NREP: variants seen among roughly 807,000 people sequenced by gnomAD.
NREP encodes the protein neuronal regeneration related protein.
A neutral mutation model predicts 8.6 loss-of-function variants in NREP; 5 were observed. That is an observed-to-expected ratio of 0.58 (90% CI 0.30 to 1.22). The LOEUF is 1.22. Ranked by LOEUF, NREP falls within the 50% of genes most tolerant of loss-of-function variation. The pLI is 0.07. For missense variants in NREP, 86 were observed against 82.5 expected (o/e 1.04, Z -0.17); for synonymous variants, 27 against 28.0 (o/e 0.96, Z 0.11).
At chr5:111,871,562 G>A (rs1753791487) in intron 2 of NREP, among the ~76,000 whole-genome samples, 2 of 151,852 alleles carry the variant, frequency 1.3e-5, no homozygotes, top group African/African-American at 2.4e-5. Flanking sequence ...AACTTACTTT[G>A]TAAACCTAAT....
intron 2 of NREP, among the ~76,000 whole-genome samples, chr5:111,966,325 G>T (rs1056219466): frequency 6.6e-6 from 1 of 152,088 alleles, no homozygotes; most frequent in Non-Finnish European, 1.5e-5. Context: ...AAATTAAAAG[G>T]TATAAAAGAT....
chr5:111,975,966 A>G (rs1423131317), intron 1 of NREP, among the ~76,000 whole-genome samples: 1 of 152,128 alleles, frequency 6.6e-6, no homozygotes, highest in Admixed American at 6.5e-5. Flanking sequence ...ATTGAACTAA[A>G]CCAGCATATC....
intron 3 of NREP, among the ~76,000 whole-genome samples, chr5:111,731,313 T>C (rs1248253518): frequency 1.3e-5 from 2 of 151,890 alleles, no homozygotes; most frequent in Non-Finnish European, 2.9e-5. Context: ...GTGCCAGCCA[T>C]GTGTGAGGCA....
chr5:111,963,991 T>C (rs1189130604), intron 2 of NREP, among the ~76,000 whole-genome samples: 1 of 152,210 alleles, frequency 6.6e-6, no homozygotes, highest in Non-Finnish European at 1.5e-5. Context: ...TTAATAATAA[T>C]AATGCAAGCA....
intron 2 of NREP, among the ~76,000 whole-genome samples, chr5:111,744,279 T>A (rs1259259121): frequency 6.6e-6 from 1 of 152,148 alleles, no homozygotes; most frequent in Non-Finnish European, 1.5e-5. Flanking sequence ...TCCTGGTCAT[T>A]TAAAAACTGG....
intron 2 of NREP, among the ~76,000 whole-genome samples, chr5:111,898,026 A>G (rs1365192655): frequency 3.3e-5 from 5 of 152,176 alleles, no homozygotes; most frequent in Non-Finnish European, 5.9e-5. Flanking sequence ...TAACCTTGGG[A>G]GAGAATGATA....
intron 2 of NREP, among the ~76,000 whole-genome samples, chr5:111,915,371 C>T: frequency 6.6e-6 from 1 of 152,006 alleles, no homozygotes; most frequent in Non-Finnish European, 1.5e-5. Flanking sequence ...CACATGAATC[C>T]TCATTGCAGA....
intron 2 of NREP, among the ~76,000 whole-genome samples, chr5:111,834,118 A>C (rs1379908471): frequency 6.6e-6 from 1 of 152,172 alleles, no homozygotes; most frequent in Admixed American, 6.5e-5. Context: ...AAACTAGAGC[A>C]AATGCCAGGA....
chr5:111,748,536 G>C (rs1039159226), intron 2 of NREP, among the ~76,000 whole-genome samples: 2 of 152,136 alleles, frequency 1.3e-5, no homozygotes, highest in African/African-American at 4.8e-5. Flanking sequence ...AGTTAGGTAT[G>C]GGAGCACAGA....
chr5:111,796,185 T>C (rs895737505), intron 2 of NREP, among the ~76,000 whole-genome samples: 2 of 152,202 alleles, frequency 1.3e-5, no homozygotes, highest in Non-Finnish European at 2.9e-5. Context: ...TCCCGAGCAG[T>C]ACAGTAGCTT....
chr5:111,895,710 G>A (rs568103300), intron 2 of NREP, among the ~76,000 whole-genome samples: 3 of 152,240 alleles, frequency 2.0e-5, no homozygotes, highest in Non-Finnish European at 2.9e-5. Context: ...TATCTTGTAA[G>A]ATATTTAACA....
At chr5:111,759,836 G>A (rs1006630920), upstream of NREP, among the ~76,000 whole-genome samples, 4 of 152,204 alleles carry the variant, frequency 2.6e-5, no homozygotes, top group African/African-American at 9.6e-5. Flanking sequence ...TATCCTGTAG[G>A]TGTTACAGTA....
At chr5:111,890,925 C>A (rs528991133) in intron 2 of NREP, among the ~76,000 whole-genome samples, 14 of 152,336 alleles carry the variant, frequency 9.2e-5, no homozygotes, top group Admixed American at 9.1e-4. Context: ...CAGCACTTGC[C>A]TCCTTTTTAA....
intron 2 of NREP, among the ~76,000 whole-genome samples, chr5:111,912,959 G>C (rs1754953626): frequency 1.3e-5 from 2 of 152,086 alleles, no homozygotes; most frequent in African/African-American, 4.8e-5. Context: ...TGTTCATTAA[G>C]ATTATTAGCA....
At chr5:111,801,162 A>G (rs1287993176) in intron 2 of NREP, among the ~76,000 whole-genome samples, 1 of 152,240 alleles carries the variant, frequency 6.6e-6, no homozygotes, top group African/African-American at 2.4e-5. Context: ...ATTTACATAC[A>G]TATCAAAGAG....
chr5:111,887,709 T>A (rs1754295810), intron 2 of NREP, among the ~76,000 whole-genome samples: 1 of 152,204 alleles, frequency 6.6e-6, no homozygotes, highest in African/African-American at 2.4e-5. Flanking sequence ...AATGAAGATA[T>A]CCCTTTACCC....
intron 2 of NREP, among the ~76,000 whole-genome samples, chr5:111,896,948 C>T (rs540040220): frequency 6.6e-6 from 1 of 152,238 alleles, no homozygotes; most frequent in South Asian, 2.1e-4. Flanking sequence ...CATATATTCT[C>T]TCAACATTCA....
At position 111,735,499 on chromosome 5, in the gene NREP, G is replaced by A. The variant is rs1749018530; in HGVS notation, c.12C>T (p.Tyr4=). ...GACTGACCCAGACAAAGAGTTCTGGGTAATAAACCTATAGAGACACAAAAG... is the reference window on the plus strand; with the variant it reads ...GACTGACCCAGACAAAGAGTTCTGGATAATAAACCTATAGAGACACAAAAG... MVY[Y]PELFVWVSQE... The change falls in exon 3 of 4, where the codon TAC becomes TAT. Residue 4 remains tyrosine, a synonymous_variant. Coordinates refer to ENST00000257435, the MANE Select transcript of NREP (RefSeq NM_004772.4). 2 of 1,611,312 alleles carry A rather than the reference G, an allele frequency of 1.2e-6. No homozygotes were observed. The highest frequency in any genetic ancestry group is 1.7e-6 in the Non-Finnish European group (2 of 1,177,992).
At chr5:111,944,776 T>A (rs1755930496) in intron 2 of NREP, among the ~76,000 whole-genome samples, 1 of 152,150 alleles carries the variant, frequency 6.6e-6, no homozygotes, top group African/African-American at 2.4e-5. Flanking sequence ...GTTCCAAACC[T>A]GCTTCTTTGA....
Sources: gnomAD v4.1 joint callset for allele counts (sites outside exome capture counted in the v4.1 genomes callset) on GRCh38, gnomAD v4.1.1 for gene constraint, MANE v1.5 for transcripts, NCBI Gene and HGNC (gene_info 2026-07-23, HGNC 2026-07-21) for gene names.